The following ERO1A variants were observed in gnomAD, a reference collection of about 807,000 sequenced individuals.
ERO1A encodes the protein endoplasmic reticulum oxidoreductase 1 alpha, also known as ERO1-like protein alpha.
Under a neutral mutation model 76.9 loss-of-function variants are expected in ERO1A, and 49 were observed. The ratio of observed to expected loss-of-function variants is 0.64; its 90% CI spans 0.51 to 0.81. ERO1A has a LOEUF of 0.81. Among genes scored for constraint, ERO1A ranks in the 30% least tolerant of loss-of-function variants. The pLI, the probability that ERO1A is intolerant of heterozygous loss-of-function variation, is 0.00. For synonymous variants in ERO1A, 174 were observed against 181.2 expected (o/e 0.96, Z 0.32); for missense variants, 448 against 542.1 (o/e 0.83, Z 1.72).
At chr14:52,672,779 A>C (rs1051236094) in intron 4 of ERO1A, among the ~76,000 whole-genome samples, 6 of 149,662 alleles carry the variant, frequency 4.0e-5, no homozygotes, top group Non-Finnish European at 8.9e-5. Flanking sequence ...CTCTGACCAA[A>C]AAAAAAAAAA....
chr14:52,647,110 G>A (rs1291842406), intron 13 of ERO1A: 2 of 149,974 alleles, frequency 1.3e-5, no homozygotes, highest in Non-Finnish European at 1.4e-5. Flanking sequence ...TGAGTAGCCG[G>A]GACTACAGGC....
intron 3 of ERO1A, among the ~76,000 whole-genome samples, chr14:52,680,578 G>A (rs547829759): frequency 1.3e-5 from 2 of 152,164 alleles, no homozygotes; most frequent in African/African-American, 2.4e-5. Context: ...CCTTTATTAA[G>A]CATCTACCAT....
chr14:52,652,321 A>G lies in ERO1A; in HGVS notation c.1056-13T>C. ...CAAAGGAAATGACCTGCGTTTTAAAACAGAGAATATTCATTTTCATGTGTT... is the reference window on the plus strand; with the variant it reads ...CAAAGGAAATGACCTGCGTTTTAAAGCAGAGAATATTCATTTTCATGTGTT... On this transcript the variant is annotated splice_polypyrimidine_tract_variant and intron_variant, in intron 12 of 15. Coordinates refer to ENST00000395686, the MANE Select transcript of ERO1A (RefSeq NM_014584.3). The G allele has an allele frequency of 6.4e-7, 1 of 1,572,368 alleles. No homozygotes were observed. Among genetic ancestry groups the G allele is most frequent in the Non-Finnish European group, 8.8e-7 (1 of 1,142,354 alleles).
intron 1 of ERO1A, among the ~76,000 whole-genome samples, chr14:52,691,799 GC>G (rs1448038542): frequency 6.6e-6 from 1 of 152,196 alleles, no homozygotes; most frequent in Non-Finnish European, 1.5e-5. Context: ...AACATCATGA[GC>G]AAGTAAGAGT....
At chr14:52,667,816 C>A (rs2040461711) in intron 6 of ERO1A, among the ~76,000 whole-genome samples, 1 of 151,724 alleles carries the variant, frequency 6.6e-6, no homozygotes, top group Non-Finnish European at 1.5e-5. Context: ...CAGTATGAGC[C>A]AACAAAGAAT....
Position 52,678,433 on chromosome 14 carries a change from C to A in ERO1A, c.357+1G>T. 6.2e-7 allele frequency: 1 copy of A among 1,613,140 alleles called. No homozygotes were observed. Among genetic ancestry groups the A allele is most frequent in the Non-Finnish European group, 8.5e-7 (1 of 1,179,492 alleles). On this transcript the variant is annotated splice_donor_variant, in intron 4 of 15. Coordinates refer to ENST00000395686, the MANE Select transcript of ERO1A (RefSeq NM_014584.3). LOFTEE classifies it high-confidence loss of function. ...ACACATCAATAGGTATACGTACACA[C>A]CTTGTAGCTCGCAGATTTAATTCCA... is the stretch of plus-strand genomic sequence containing the variant.
intron 15 of ERO1A, 60 bp downstream of exon 15, chr14:52,646,094 C>T: frequency 6.5e-7 from 1 of 1,533,858 alleles, no homozygotes. Flanking sequence ...TTTCTGAGAG[C>T]ATATATGTTG....
intron 4 of ERO1A, chr14:52,672,373 C>A (rs564220501): frequency 1.3e-5 from 2 of 152,294 alleles, no homozygotes; most frequent in South Asian, 2.1e-4. Context: ...AATATTTTCA[C>A]AAGTTCTATT....
intron 8 of ERO1A, 81 bp from the exon 9 acceptor site, chr14:52,661,385 G>C (rs1477417294): frequency 1.7e-6 from 2 of 1,168,264 alleles, no homozygotes; most frequent in Non-Finnish European, 2.3e-6. Context: ...ATAAAAATAA[G>C]ACTTTAATAA....
chr14:52,662,218 T>C (rs78776161), intron 8 of ERO1A, among the ~76,000 whole-genome samples: 1 of 152,272 alleles, frequency 6.6e-6, no homozygotes, highest in Non-Finnish European at 1.5e-5. Context: ...AGTGACGTGG[T>C]TAATTACTTT....
chr14:52,690,630 G>A lies in ERO1A; in HGVS notation c.114+4738C>T, dbSNP rs574066548. ...GCAGGAGAATCACTTGAACCCAGGA[G>A]GCAGAGTTTGCAGTGAGCCAAGATC... On this transcript the variant is annotated intron_variant, in intron 1 of 15. Transcript: ENST00000395686. 2.0e-5 allele frequency among the ~76,000 whole-genome samples: 3 copies of A among 152,188 alleles called. No individual in the cohort carries two copies. The East Asian group carries it at 5.8e-4, about 29-fold the overall frequency.
chr14:52,650,297 A>G (rs1375704777), intron 13 of ERO1A, among the ~76,000 whole-genome samples: 2 of 151,726 alleles, frequency 1.3e-5, no homozygotes, highest in East Asian at 1.9e-4. Context: ...CATATCTACC[A>G]TATCTAGTAT....
chr14:52,651,049 G>A (rs1238229682), intron 13 of ERO1A, among the ~76,000 whole-genome samples: 1 of 149,244 alleles, frequency 6.7e-6, no homozygotes, highest in East Asian at 2.0e-4. Flanking sequence ...TGGGAGGACC[G>A]CTTGAGCCCA....
At chr14:52,660,930 A>G (rs1301288151) in intron 9 of ERO1A, among the ~76,000 whole-genome samples, 1 of 152,222 alleles carries the variant, frequency 6.6e-6, no homozygotes, top group South Asian at 2.1e-4. Context: ...AATACTCATC[A>G]TGCCCAGAAC....
At chr14:52,648,324 C>A (rs866773467) in intron 13 of ERO1A, among the ~76,000 whole-genome samples, 12 of 151,970 alleles carry the variant, frequency 7.9e-5, no homozygotes, top group South Asian at 4.2e-4. Flanking sequence ...GAGCATTGAC[C>A]AAAACTTAAA....
At chr14:52,674,217 A>C (rs1185235570) in intron 4 of ERO1A, among the ~76,000 whole-genome samples, 1 of 152,158 alleles carries the variant, frequency 6.6e-6, no homozygotes, top group South Asian at 2.1e-4. Context: ...TAAATCGAAC[A>C]ATTTTTTTTT....
chr14:52,642,222 T>C lies in ERO1A; in HGVS notation c.*1348A>G, dbSNP rs574972656. On this transcript the variant is annotated 3_prime_UTR_variant, in exon 16 of 16. Transcript: ENST00000395686. ...TTCAGTTTTAGGGAGACAAAGGAAA[T>C]GAACTTCGGGTATAAAAAACAAAAA... 6.6e-6 allele frequency: 1 copy of C among 151,934 alleles called. No homozygotes were observed. Among genetic ancestry groups the C allele is most frequent in the Admixed American group, 6.6e-5 (1 of 15,262 alleles). 9.4% of individuals were successfully genotyped at this position (151,934 alleles called of 1,614,324 possible). A position where few individuals can be genotyped will look rare whatever the true frequency, so the allele number is the denominator to read the frequency against.
At chr14:52,664,035 G>C (rs1353969649) in intron 7 of ERO1A, 188 bp from the exon 8 acceptor site, 2 of 413,828 alleles carry the variant, frequency 4.8e-6, no homozygotes, top group Non-Finnish European at 8.9e-6. Flanking sequence ...AATAGTTCCT[G>C]ATCTTCTCCC....
chr14:52,689,573 T>C (rs1479009019), intron 1 of ERO1A, among the ~76,000 whole-genome samples: 2 of 151,990 alleles, frequency 1.3e-5, no homozygotes, highest in Admixed American at 6.6e-5. Context: ...GGAATAAATT[T>C]AACAAGGAGA....
Sources: allele counts gnomAD v4.1 joint callset (sites outside exome capture counted in the v4.1 genomes callset), GRCh38; gene constraint gnomAD v4.1.1; transcripts MANE v1.5; gene names NCBI Gene and HGNC (gene_info 2026-07-23, HGNC 2026-07-21).